NPSR1: variants seen among roughly 807,000 people sequenced by gnomAD.
NPSR1 encodes the protein neuropeptide S receptor.
NPSR1 carries 48 observed loss-of-function variants against 46.9 expected under a neutral mutation model. That is an observed-to-expected ratio of 1.02 (90% CI 0.81 to 1.30). The LOEUF is 1.30. Ranked by LOEUF, NPSR1 falls within the 50% of genes most tolerant of loss-of-function variation. The pLI, the probability that NPSR1 is intolerant of heterozygous loss-of-function variation, is 0.00. For synonymous variants in NPSR1, 176 were observed against 168.1 expected (o/e 1.05, Z -0.36); for missense variants, 450 against 449.5 (o/e 1.00, Z -0.01).
At chr7:34,695,995 T>C (rs1385154491) in intron 2 of NPSR1, among the ~76,000 whole-genome samples, 3 of 151,406 alleles carry the variant, frequency 2.0e-5, no homozygotes, top group Admixed American at 2.0e-4. Flanking sequence ...AAAAAGACAT[T>C]TGCCCTCATA....
At chr7:34,754,524 C>T (rs552398768) in intron 2 of NPSR1, among the ~76,000 whole-genome samples, 8 of 152,034 alleles carry the variant, frequency 5.3e-5, no homozygotes, top group Non-Finnish European at 1.2e-4. Context: ...ATGCCCCCTC[C>T]TACCAATTCC....
intron 3 of NPSR1, among the ~76,000 whole-genome samples, chr7:34,806,053 T>C (rs1562743149): frequency 6.6e-6 from 1 of 152,038 alleles, no homozygotes; most frequent in Non-Finnish European, 1.5e-5. Flanking sequence ...GGATGAATAT[T>C]AACAGGAACT....
At chr7:34,681,925 G>A (rs1467779292) in intron 1 of NPSR1, among the ~76,000 whole-genome samples, 1 of 152,110 alleles carries the variant, frequency 6.6e-6, no homozygotes, top group Non-Finnish European at 1.5e-5. Context: ...TTATATAATT[G>A]ACTATCCAAC....
chr7:34,760,866 C>T (rs140802356), intron 2 of NPSR1, among the ~76,000 whole-genome samples: 3 of 152,288 alleles, frequency 2.0e-5, no homozygotes, highest in African/African-American at 2.4e-5. Flanking sequence ...TACAAAGAAT[C>T]AGTGATTCTT....
intron 2 of NPSR1, among the ~76,000 whole-genome samples, chr7:34,721,424 A>G (rs368530824): frequency 6.6e-6 from 1 of 152,308 alleles, no homozygotes; most frequent in East Asian, 1.9e-4. Flanking sequence ...TCTTGTGTGA[A>G]CAAATTCCCA....
chr7:34,720,685 A>G (rs1783810040), intron 2 of NPSR1, among the ~76,000 whole-genome samples: 1 of 152,148 alleles, frequency 6.6e-6, no homozygotes. Context: ...TTGAAGGAGA[A>G]GAAGCCTTCC....
intron 2 of NPSR1, among the ~76,000 whole-genome samples, chr7:34,762,445 C>T (rs1467300458): frequency 2.6e-5 from 4 of 152,086 alleles, no homozygotes; most frequent in East Asian, 1.9e-4. Context: ...GGCTAAGTAC[C>T]TGACATCAGG....
intron 3 of NPSR1, among the ~76,000 whole-genome samples, chr7:34,787,326 T>C (rs1031473609): frequency 4.6e-5 from 7 of 152,104 alleles, no homozygotes; most frequent in African/African-American, 7.2e-5. Context: ...TCAGCCTTCA[T>C]AGAGGTGAAG....
At chr7:34,875,956 C>A (rs1791565345) in intron 8 of NPSR1, among the ~76,000 whole-genome samples, 1 of 152,160 alleles carries the variant, frequency 6.6e-6, no homozygotes, top group South Asian at 2.1e-4. Context: ...CCACCACCCT[C>A]CTCAGAAACA....
At chr7:34,834,825 G>T (rs1790293486) in intron 6 of NPSR1, among the ~76,000 whole-genome samples, 1 of 152,242 alleles carries the variant, frequency 6.6e-6, no homozygotes, top group African/African-American at 2.4e-5. Context: ...CTTCAGCAAA[G>T]ATGAGCATAG....
intron 7 of NPSR1, chr7:34,845,639 T>C (rs1350589134): frequency 4.4e-6 from 2 of 455,050 alleles, no homozygotes; most frequent in Non-Finnish European, 8.8e-6. Context: ...GCCTTATTTT[T>C]CTTCTTGGTT....
intron 4 of NPSR1, among the ~76,000 whole-genome samples, chr7:34,824,617 A>T (rs1298457404): frequency 6.6e-6 from 1 of 152,112 alleles, no homozygotes; most frequent in African/African-American, 2.4e-5. Flanking sequence ...ATCTTCGGAG[A>T]CCTTGGTAGA....
intron 3 of NPSR1, among the ~76,000 whole-genome samples, chr7:34,805,495 A>AC (rs950836132): frequency 2.0e-5 from 3 of 151,408 alleles, no homozygotes; most frequent in African/African-American, 7.2e-5. Context: ...AAAAAAAAAA[A>AC]AAAAAACTTA....
intron 2 of NPSR1, among the ~76,000 whole-genome samples, chr7:34,713,472 AATAAT>A (rs542009921): frequency 6.5e-4 from 99 of 151,942 alleles, no homozygotes; most frequent in African/African-American, 2.2e-3. Flanking sequence ...ATTTATAAAT[AATAAT>A]ATAATATTAT....
chr7:34,705,977 G>T (rs1794084841), intron 2 of NPSR1, among the ~76,000 whole-genome samples: 1 of 150,060 alleles, frequency 6.7e-6, no homozygotes, highest in African/African-American at 2.4e-5. Context: ...ATAAACACCT[G>T]GCATTTCTTT....
At chr7:34,760,435 G>A (rs1236840982) in intron 2 of NPSR1, among the ~76,000 whole-genome samples, 4 of 152,150 alleles carry the variant, frequency 2.6e-5, no homozygotes, top group East Asian at 1.9e-4. Context: ...CCTGGATTCC[G>A]TGTGGTCAGT....
chr7:34,771,510 C>T (rs1442405534), intron 2 of NPSR1, among the ~76,000 whole-genome samples: 4 of 152,116 alleles, frequency 2.6e-5, no homozygotes, highest in African/African-American at 9.7e-5. Flanking sequence ...AAAGCAACTT[C>T]TGTGGGTGGA....
At chr7:34,753,615 G>A (rs1437802894) in intron 2 of NPSR1, 1 of 152,236 alleles carries the variant, frequency 6.6e-6, no homozygotes, top group African/African-American at 2.4e-5. Flanking sequence ...ACCAGCCCAA[G>A]TTGGAAACAG....
intron 3 of NPSR1, among the ~76,000 whole-genome samples, chr7:34,802,389 C>T (rs1788465621): frequency 6.7e-6 from 1 of 149,986 alleles, no homozygotes; most frequent in African/African-American, 2.5e-5. Flanking sequence ...TGGAACAGAA[C>T]AGAGCCCTCA....
Sources: gnomAD v4.1 joint callset for allele counts (sites outside exome capture counted in the v4.1 genomes callset) on GRCh38, gnomAD v4.1.1 for gene constraint, MANE v1.5 for transcripts, NCBI Gene and HGNC (gene_info 2026-07-23, HGNC 2026-07-21) for gene names.